The following DCHS2 variants were observed in gnomAD, a reference collection of about 807,000 sequenced individuals.
The protein encoded by DCHS2 is protocadherin-23.
Under a neutral mutation model 182.4 loss-of-function variants are expected in DCHS2, and 142 were observed. That is an observed-to-expected ratio of 0.78 (90% CI 0.68 to 0.89). The LOEUF (loss-of-function observed/expected upper bound fraction) is 0.89. DCHS2 is among the 40% of genes least tolerant of loss of function. DCHS2 has a pLI of 0.00. For synonymous variants in DCHS2, 1,740 were observed against 1,663.3 expected (o/e 1.05, Z -1.12); for missense variants, 4,319 against 4,198.6 (o/e 1.03, Z -0.79).
At chr4:154,426,241 A>T (rs1466662) in intron 1 of DCHS2, among the ~76,000 whole-genome samples, 43,858 of 152,084 alleles carry the variant, frequency 0.29, 7,908 homozygotes, top group East Asian at 0.68. Flanking sequence ...ATTTTATCGC[A>T]TCTAAAAATA....
At chr4:154,252,435 T>C (rs545045556) in intron 16 of DCHS2, among the ~76,000 whole-genome samples, 1 of 152,276 alleles carries the variant, frequency 6.6e-6, no homozygotes, top group Admixed American at 6.5e-5. Context: ...ATTCATTCAT[T>C]CCAACTATAT....
intron 1 of DCHS2, among the ~76,000 whole-genome samples, chr4:154,430,799 G>C (rs10033383): frequency 0.51 from 77,135 of 151,622 alleles, 20,765 homozygotes; most frequent in Middle Eastern, 0.67. Context: ...TAAATTCCCA[G>C]TTGTTCCAGC....
intron 1 of DCHS2, among the ~76,000 whole-genome samples, chr4:154,412,719 C>A (rs920995611): frequency 1.3e-4 from 20 of 152,144 alleles, no homozygotes; most frequent in African/African-American, 4.6e-4. Context: ...TAAGACAAAC[C>A]AAGTCTCCTT....
chr4:154,328,395 CA>C (rs1736383631), intron 6 of DCHS2, among the ~76,000 whole-genome samples: 1 of 152,088 alleles, frequency 6.6e-6, no homozygotes, highest in African/African-American at 2.4e-5. Context: ...ATCTTTTATT[CA>C]ATTAGAATGA....
At chr4:154,448,637 C>A (rs1171752718) in intron 1 of DCHS2, among the ~76,000 whole-genome samples, 1 of 152,162 alleles carries the variant, frequency 6.6e-6, no homozygotes, top group Non-Finnish European at 1.5e-5. Flanking sequence ...GACCCCCATG[C>A]TTAAAACACT....
chr4:154,245,114 G>GA (rs771404433), intron 16 of DCHS2, among the ~76,000 whole-genome samples: 7 of 152,154 alleles, frequency 4.6e-5, no homozygotes, highest in Non-Finnish European at 1.0e-4. Context: ...AATGGGAAAG[G>GA]AAAAGGTTCC....
At chr4:154,371,679 G>C (rs191909955) in intron 2 of DCHS2, among the ~76,000 whole-genome samples, 57 of 152,254 alleles carry the variant, frequency 3.7e-4, no homozygotes, top group African/African-American at 1.3e-3. Context: ...TTCAGCTTCT[G>C]GGAAGGCCTC....
chr4:154,414,216 T>G (rs1433969422), intron 1 of DCHS2, among the ~76,000 whole-genome samples: 2 of 149,274 alleles, frequency 1.3e-5, no homozygotes, highest in Non-Finnish European at 3.0e-5. Context: ...GAGATATAGA[T>G]ATATGTTCCA....
intron 10 of DCHS2, among the ~76,000 whole-genome samples, chr4:154,314,585 G>A (rs1251904663): frequency 1.3e-5 from 2 of 152,120 alleles, no homozygotes; most frequent in African/African-American, 2.4e-5. Flanking sequence ...AGAGGGCAAA[G>A]TATTCAAATA....
rs70947167 is a variant in DCHS2 at position 154,442,541 on chromosome 4, C to CCACA, written c.2052+46759_2052+46762dup. Among the ~76,000 whole-genome samples the CCACA allele has an allele frequency of 2.7e-3, 137 of 50,258 alleles. 1 individual carries two copies. Among genetic ancestry groups the CCACA allele is most frequent in the Middle Eastern group, 0.013 (1 of 76 alleles). 33.0% of individuals were successfully genotyped at this position (50,258 alleles called of 152,430 possible). A position where few individuals can be genotyped will look rare whatever the true frequency, so the allele number is the denominator to read the frequency against. On this transcript the variant is annotated intron_variant, in intron 1 of 19. Coordinates refer to ENST00000357232, the MANE Select transcript of DCHS2 (RefSeq NM_001358235.2). ...CTGAAAAGTGGACACCCCCCCCCCC[C>CCACA]CACACACACACACACACACACCAGG...
intron 1 of DCHS2, among the ~76,000 whole-genome samples, chr4:154,387,299 T>G (rs1731464051): frequency 6.6e-6 from 1 of 152,174 alleles, no homozygotes; most frequent in Admixed American, 6.5e-5. Flanking sequence ...GGAAAGTAAC[T>G]TGTCCTATAA....
chr4:154,440,524 A>G (rs1190948435), intron 1 of DCHS2, among the ~76,000 whole-genome samples: 2 of 152,286 alleles, frequency 1.3e-5, no homozygotes, highest in Non-Finnish European at 2.9e-5. Context: ...AGACTATAAT[A>G]TACATGTATA....
At chr4:154,285,747 G>A (rs7691036) in intron 13 of DCHS2, among the ~76,000 whole-genome samples, 149,072 of 152,190 alleles carry the variant, frequency 0.98, 73,085 homozygotes, top group Middle Eastern at 1. Flanking sequence ...GATGTGTCAG[G>A]AGTCCTGACT....
chr4:154,300,510 CAA>C (rs61371659), intron 12 of DCHS2, among the ~76,000 whole-genome samples: 14 of 108,136 alleles, frequency 1.3e-4, no homozygotes, highest in Non-Finnish European at 1.2e-4. Context: ...CTCATCTCTA[CAA>C]AAAAAAAAAA....
chr4:154,460,960 T>C (rs537005415), intron 1 of DCHS2, among the ~76,000 whole-genome samples: 1 of 152,262 alleles, frequency 6.6e-6, no homozygotes, highest in African/African-American at 2.4e-5. Flanking sequence ...CTGTATGCCA[T>C]TGTTCCCAAA....
At chr4:154,262,717 C>T (rs1346755653) in intron 14 of DCHS2, among the ~76,000 whole-genome samples, 1 of 152,076 alleles carries the variant, frequency 6.6e-6, no homozygotes, top group African/African-American at 2.4e-5. Context: ...TTGTACAAAC[C>T]AAAGCAGAAT....
At chr4:154,287,266 G>A (rs935604097) in intron 13 of DCHS2, among the ~76,000 whole-genome samples, 2 of 152,066 alleles carry the variant, frequency 1.3e-5, no homozygotes, top group Non-Finnish European at 2.9e-5. Context: ...TCATCTTAAG[G>A]TACAAAACTC....
chr4:154,294,268 A>G (rs1734819073), intron 13 of DCHS2, among the ~76,000 whole-genome samples: 1 of 152,224 alleles, frequency 6.6e-6, no homozygotes, highest in Non-Finnish European at 1.5e-5. Context: ...TGTATATAAT[A>G]TATCAAATAT....
At chr4:154,377,129 G>C (rs1190576810) in intron 2 of DCHS2, 124 bp downstream of exon 2, 2 of 901,416 alleles carry the variant, frequency 2.2e-6, no homozygotes, top group Non-Finnish European at 3.3e-6. Flanking sequence ...TTCAGCAAAG[G>C]AAAGAGGTAG....
Sources: allele counts gnomAD v4.1 joint callset (sites outside exome capture counted in the v4.1 genomes callset), GRCh38; gene constraint gnomAD v4.1.1; transcripts MANE v1.5; gene names NCBI Gene and HGNC (gene_info 2026-07-23, HGNC 2026-07-21).